PSMD6: variants seen among roughly 807,000 people sequenced by gnomAD.
The protein encoded by PSMD6 is 26S proteasome non-ATPase regulatory subunit 6.
A neutral mutation model predicts 44.9 loss-of-function variants in PSMD6; 7 were observed. The observed-to-expected ratio is 0.16, with a 90% confidence interval of 0.09 to 0.29. PSMD6 has a LOEUF of 0.29. Among genes scored for constraint, PSMD6 ranks in the 10% least tolerant of loss-of-function variants. PSMD6 has a pLI of 1.00. For missense variants in PSMD6, 420 were observed against 482.6 expected (o/e 0.87, Z 1.21); for synonymous variants, 184 against 172.7 (o/e 1.07, Z -0.51).
chr3:64,021,538 C>G (rs831691), intron 2 of PSMD6, among the ~76,000 whole-genome samples: 45,653 of 152,102 alleles, frequency 0.3, 8,914 homozygotes, highest in African/African-American at 0.55. Flanking sequence ...ACCGGGTGCA[C>G]TGGCTCACGC....
intron 1 of PSMD6, 144 bp downstream of exon 1, chr3:64,023,131 C>A: frequency 7.0e-7 from 1 of 1,424,052 alleles, no homozygotes; most frequent in Non-Finnish European, 9.1e-7. Context: ...CAAAGCAAAA[C>A]CCTAAGGGCC....
chr3:64,019,099 TGTCTG>T, intron 3 of PSMD6, 62 bp from the exon 4 acceptor site: 1 of 1,478,830 alleles, frequency 6.8e-7, no homozygotes. Context: ...TTTAAAAACT[TGTCTG>T]TTATTTGAAA....
At chr3:64,016,584 A>G (rs1463285370) in intron 5 of PSMD6, 1 of 152,236 alleles carries the variant, frequency 6.6e-6, no homozygotes, top group African/African-American at 2.4e-5. Context: ...AAGTATATGA[A>G]AAGATGCTCA....
chr3:64,023,163 T>C, intron 1 of PSMD6, 112 bp downstream of exon 1: 2 of 1,428,054 alleles, frequency 1.4e-6, no homozygotes, highest in Non-Finnish European at 9.1e-7. Flanking sequence ...GCCTGGTCTC[T>C]GAGACCCCGT....
chr3:64,022,760 G>T, intron 1 of PSMD6: 2 of 1,536,338 alleles, frequency 1.3e-6, no homozygotes, highest in Non-Finnish European at 1.7e-6. Flanking sequence ...CTGGAGGGAG[G>T]GCAATCCTCG....
intron 2 of PSMD6, among the ~76,000 whole-genome samples, chr3:64,020,348 A>C (rs2076110282): frequency 6.6e-6 from 1 of 152,202 alleles, no homozygotes; most frequent in African/African-American, 2.4e-5. Flanking sequence ...AGTAAATAGG[A>C]GGGGAAAAGT....
intron 6 of PSMD6, chr3:64,011,838 C>G (rs932177948): frequency 1.3e-5 from 2 of 152,296 alleles, no homozygotes; most frequent in Non-Finnish European, 2.9e-5. Flanking sequence ...GGCCACAGAG[C>G]TGGAAAAAGA....
intron 2 of PSMD6, chr3:64,019,680 G>C: frequency 2.4e-6 from 1 of 418,404 alleles, no homozygotes; most frequent in Non-Finnish European, 4.2e-6. Flanking sequence ...CATATACTTA[G>C]ATTCAGGAAA....
intron 5 of PSMD6, chr3:64,016,570 A>G (rs1380637239): frequency 1.6e-5 from 2 of 128,832 alleles, no homozygotes; most frequent in African/African-American, 6.8e-5. Flanking sequence ...GCACATGGCC[A>G]GTTAAGTATA....
At chr3:64,013,376 A>T (rs2075992823) in intron 6 of PSMD6, 63 bp downstream of exon 6, 1 of 1,418,060 alleles carries the variant, frequency 7.1e-7, no homozygotes, top group Non-Finnish European at 9.4e-7. Context: ...AAAATTGTAC[A>T]AGTTCACATA....
In PSMD6 at chr3:64,018,576, A is replaced by G. The variant is rs569660809; in HGVS notation, c.826+23T>C. ...AGGAGTAAGATGAAGACAGATAATC[A>G]AAAATATCAACCCTATCCTTACCTA... is the stretch of plus-strand genomic sequence containing the variant. On this transcript the variant is annotated intron_variant, in intron 5 of 7. Coordinates refer to ENST00000295901, the MANE Select transcript of PSMD6 (RefSeq NM_014814.3). 2.4e-4 allele frequency: 359 copies of G among 1,490,214 alleles called. 3 individuals carry two copies. In the South Asian group the frequency reaches 4.0e-3, roughly 17 times the overall value. The allele number at this position is 1,490,214 out of a possible 1,614,324, so 92.3% of individuals were successfully genotyped here.
rs754610524 is a variant in PSMD6 at position 64,010,858 on chromosome 3, A to G, written c.1073+20T>C. On this transcript the variant is annotated intron_variant, in intron 7 of 7. Transcript: ENST00000295901. ...CTTTTAAAATTTAGGAATGCCCCTT[A>G]TTCTGAGAAATGAGAGTACCTGTTG... 1 of 1,592,712 alleles carries G rather than the reference A, an allele frequency of 6.3e-7. No individual in the cohort carries two copies. Among genetic ancestry groups the G allele is most frequent in the African/African-American group, 1.3e-5 (1 of 74,270 alleles).
chr3:64,022,671 C>T, intron 1 of PSMD6, 148 bp from the exon 2 acceptor site: 3 of 1,538,826 alleles, frequency 1.9e-6, no homozygotes. Context: ...GCTTAATAAT[C>T]GGCTTGGCAA....
rs767282517 is a variant in PSMD6 at position 64,013,417 on chromosome 3, A to ACATGG, written c.995+17_995+21dup. ...AAAGGCAACTTTAAAACTTCAATTA[A>ACATGG]CATGGCATTATTCAAACTTACTGAT... is the stretch of plus-strand genomic sequence containing the variant. On this transcript the variant is annotated intron_variant, in intron 6 of 7. Coordinates refer to ENST00000295901, the MANE Select transcript of PSMD6 (RefSeq NM_014814.3). 142 of 1,530,490 alleles carry ACATGG rather than the reference A, an allele frequency of 9.3e-5. No homozygotes were observed. The South Asian group carries it at 1.2e-3, about 13-fold the overall frequency. 94.8% of individuals were successfully genotyped at this position (1,530,490 alleles called of 1,614,324 possible). A position where few individuals can be genotyped will look rare whatever the true frequency, so the allele number is the denominator to read the frequency against.
intron 2 of PSMD6, among the ~76,000 whole-genome samples, chr3:64,020,522 C>T (rs1047199003): frequency 2.0e-5 from 3 of 152,120 alleles, no homozygotes; most frequent in African/African-American, 7.2e-5. Flanking sequence ...GTCTTTAAAA[C>T]CAAGCCACAA....
At position 64,018,779 on chromosome 3, in the gene PSMD6, A is replaced by C. The variant is rs752582371; in HGVS notation, c.717+39T>G. ...TGATTTGTGTATTTAAACAAAAAAA[A>C]CAAGTCTTTAAATTTGAGTATTAAA... On this transcript the variant is annotated intron_variant, in intron 4 of 7. Coordinates refer to ENST00000295901, the MANE Select transcript of PSMD6 (RefSeq NM_014814.3). The C allele has an allele frequency of 5.6e-5, 86 of 1,533,476 alleles. 2 individuals are homozygous for C. In the South Asian group the frequency reaches 9.2e-4, roughly 16 times the overall value. 95.0% of individuals were successfully genotyped at this position (1,533,476 alleles called of 1,614,324 possible). A position where few individuals can be genotyped will look rare whatever the true frequency, so the allele number is the denominator to read the frequency against.
At position 64,023,469 on chromosome 3, in the gene PSMD6, C is replaced by A. The variant is rs760421599; in HGVS notation, c.-50G>T. The A allele has an allele frequency of 1.2e-5, 18 of 1,509,096 alleles. No homozygotes were observed. Among genetic ancestry groups the A allele is most frequent in the Non-Finnish European group, 1.4e-5 (16 of 1,121,200 alleles). 93.5% of individuals were successfully genotyped at this position (1,509,096 alleles called of 1,614,324 possible). A position where few individuals can be genotyped will look rare whatever the true frequency, so the allele number is the denominator to read the frequency against. On this transcript the variant is annotated 5_prime_UTR_variant, in exon 1 of 8. Coordinates refer to ENST00000295901, the MANE Select transcript of PSMD6 (RefSeq NM_014814.3). The stretch of plus-strand genomic sequence containing the variant: ...CAGGACACAACTTGGTTACGACCGG[C>A]TGCGGCAGCGGAAGCGGGAGGAGTC...
upstream of PSMD6, chr3:64,023,849 T>A: frequency 6.8e-7 from 1 of 1,463,584 alleles, no homozygotes; most frequent in Non-Finnish European, 9.2e-7. Context: ...ATTAAAATCA[T>A]CTTCATGCTG....
At chr3:64,013,756 G>A in intron 5 of PSMD6, 149 bp from the exon 6 acceptor site, 2 of 652,776 alleles carry the variant, frequency 3.1e-6, no homozygotes, top group Non-Finnish European at 4.7e-6. Flanking sequence ...CATCAACAAT[G>A]GCAGCAACAG....
Sources: allele counts gnomAD v4.1 joint callset (sites outside exome capture counted in the v4.1 genomes callset), GRCh38; gene constraint gnomAD v4.1.1; transcripts MANE v1.5; gene names NCBI Gene and HGNC (gene_info 2026-07-23, HGNC 2026-07-21).